PLCXD3: variants seen among roughly 807,000 people sequenced by gnomAD.
PLCXD3 encodes PI-PLC X domain-containing protein 3.
Under a neutral mutation model 25.5 loss-of-function variants are expected in PLCXD3, and 19 were observed. The observed-to-expected ratio is 0.75, with a 90% CI of 0.52 to 1.09. The LOEUF is 1.09. PLCXD3 is among the 50% of genes least tolerant of loss of function. The pLI is 0.00. For missense variants in PLCXD3, 411 were observed against 388.1 expected (o/e 1.06, Z -0.50); for synonymous variants, 174 against 137.6 (o/e 1.26, Z -1.85).
chr5:41,465,591 A>G (rs574876244), intron 1 of PLCXD3, among the ~76,000 whole-genome samples: 2 of 151,724 alleles, frequency 1.3e-5, no homozygotes, highest in East Asian at 3.9e-4. Flanking sequence ...TCAGTCTAAT[A>G]ATGAACCAAG....
Position 41,381,880 on chromosome 5 carries a change from G to A in PLCXD3, c.758C>T (p.Ala253Val). The A allele has an allele frequency of 1.9e-6, 3 of 1,613,082 alleles. No homozygotes were observed. The highest frequency in any genetic ancestry group is 2.5e-6 in the Non-Finnish European group (3 of 1,179,638). Reference sequence around the variant, plus strand: ...TGCCACCCCTTTGACCACAGTGCTAGCTTTGGGGGTCAGCACCACCTGAGA... The same window carrying A: ...TGCCACCCCTTTGACCACAGTGCTAACTTTGGGGGTCAGCACCACCTGAGA... ...FISQVVLTPK[A>V]STVVKGVASG... is the part of the protein sequence containing the mutation. Residue 253 changes from alanine (A) to valine (V), a missense_variant, in exon 2 of 3, where the codon GCT becomes GTT. Physicochemically the swap from Ala to Val is moderately conservative, Grantham distance 64 (BLOSUM62 0). Coordinates refer to ENST00000377801, the MANE Select transcript of PLCXD3 (RefSeq NM_001005473.3).
intron 1 of PLCXD3, among the ~76,000 whole-genome samples, chr5:41,429,276 A>T (rs1232828923): frequency 2.0e-5 from 3 of 152,084 alleles, no homozygotes; most frequent in Non-Finnish European, 4.4e-5. Flanking sequence ...TAAAGTCAGA[A>T]ATGGATGAGA....
intron 1 of PLCXD3, among the ~76,000 whole-genome samples, chr5:41,423,503 T>G (rs752637987): frequency 6.6e-6 from 1 of 152,144 alleles, no homozygotes; most frequent in Non-Finnish European, 1.5e-5. Flanking sequence ...TATATTCTCC[T>G]TTTTTCATCA....
At chr5:41,398,516 A>G (rs1746078528) in intron 1 of PLCXD3, among the ~76,000 whole-genome samples, 1 of 152,190 alleles carries the variant, frequency 6.6e-6, no homozygotes, top group East Asian at 1.9e-4. Context: ...GCAATGTGAG[A>G]AAAGACTAAC....
At position 41,382,553 on chromosome 5, in the gene PLCXD3, A is replaced by G. The variant is rs1427075732; in HGVS notation, c.104-19T>C. ...TGAGACCCTAGGAGAATAACAAGGCATAGTGTGGTTAATTTCCACGTCTTT... is the reference window on the plus strand; with the variant it reads ...TGAGACCCTAGGAGAATAACAAGGCGTAGTGTGGTTAATTTCCACGTCTTT... On this transcript the variant is annotated intron_variant, in intron 1 of 2. Transcript: ENST00000377801. The G allele has an allele frequency of 1.3e-6, 2 of 1,543,584 alleles. No individual in the cohort carries two copies. Among genetic ancestry groups the G allele is most frequent in the Admixed American group, 1.9e-5 (1 of 52,840 alleles).
intron 1 of PLCXD3, among the ~76,000 whole-genome samples, chr5:41,431,433 G>A (rs1747099396): frequency 6.6e-6 from 1 of 152,126 alleles, no homozygotes; most frequent in Admixed American, 6.5e-5. Context: ...TGACTTTTGT[G>A]TTAGGTTACA....
intron 1 of PLCXD3, among the ~76,000 whole-genome samples, chr5:41,423,633 C>T (rs1746880077): frequency 6.6e-6 from 1 of 151,672 alleles, no homozygotes; most frequent in African/African-American, 2.4e-5. Context: ...TTTTTCTTTT[C>T]TAATATATAC....
rs560222170 is a variant in PLCXD3, at chr5:41,481,240, G to T, written c.103+29184C>A. ...CTCCATTTGTATATCTGTAAAATGGGAATGATATTGACTATACAGAGTTGT... is the reference window on the plus strand; with the variant it reads ...CTCCATTTGTATATCTGTAAAATGGTAATGATATTGACTATACAGAGTTGT... On this transcript the variant is annotated intron_variant, in intron 1 of 2. Transcript: ENST00000377801. 9.2e-5 allele frequency among the ~76,000 whole-genome samples: 14 copies of T among 152,116 alleles called. 1 individual carries two copies. Among genetic ancestry groups the T allele is most frequent in the Admixed American group, 1.3e-4 (2 of 15,272 alleles).
At chr5:41,458,938 C>T (rs1200739505) in intron 1 of PLCXD3, among the ~76,000 whole-genome samples, 1 of 151,886 alleles carries the variant, frequency 6.6e-6, no homozygotes, top group African/African-American at 2.4e-5. Context: ...TTAAGAGATA[C>T]ATTTATTTTT....
chr5:41,450,175 G>T (rs1178116941), intron 1 of PLCXD3, among the ~76,000 whole-genome samples: 1 of 152,118 alleles, frequency 6.6e-6, no homozygotes, highest in East Asian at 1.9e-4. Flanking sequence ...CCTGGTGAAA[G>T]TAAGAAGGAA....
chr5:41,428,976 G>A (rs750910269), intron 1 of PLCXD3, among the ~76,000 whole-genome samples: 2 of 151,996 alleles, frequency 1.3e-5, no homozygotes, highest in Non-Finnish European at 2.9e-5. Context: ...GTCAGACTAC[G>A]GACTGACTTG....
chr5:41,343,330 A>G (rs1744211581), intron 2 of PLCXD3, among the ~76,000 whole-genome samples: 1 of 152,092 alleles, frequency 6.6e-6, no homozygotes, highest in African/African-American at 2.4e-5. Context: ...TTTTATGTTT[A>G]CTTGAAAACT....
chr5:41,475,596 G>C (rs757681788), intron 1 of PLCXD3: 1 of 534,094 alleles, frequency 1.9e-6, no homozygotes, highest in Non-Finnish European at 3.8e-6. Context: ...GCCTCTTCAG[G>C]TCCCTTCAGG....
At chr5:41,413,103 T>C (rs138125832) in intron 1 of PLCXD3, among the ~76,000 whole-genome samples, 1 of 152,250 alleles carries the variant, frequency 6.6e-6, no homozygotes, top group Non-Finnish European at 1.5e-5. Flanking sequence ...ACTAGAATTA[T>C]ATGTTTAACT....
At chr5:41,389,940 C>T (rs1745758256) in intron 1 of PLCXD3, among the ~76,000 whole-genome samples, 1 of 151,990 alleles carries the variant, frequency 6.6e-6, no homozygotes, top group Non-Finnish European at 1.5e-5. Context: ...CAATTGCCAC[C>T]ACAATCAAGA....
At chr5:41,414,763 G>A (rs1305185373) in intron 1 of PLCXD3, among the ~76,000 whole-genome samples, 2 of 152,144 alleles carry the variant, frequency 1.3e-5, no homozygotes, top group African/African-American at 4.8e-5. Flanking sequence ...GAAATCTCCT[G>A]CTGTCCTGCC....
At chr5:41,451,582 A>G (rs147584419) in intron 1 of PLCXD3, among the ~76,000 whole-genome samples, 15 of 152,100 alleles carry the variant, frequency 9.9e-5, no homozygotes, top group African/African-American at 3.1e-4. Context: ...ATTTAAAAGC[A>G]GCCCCAAAGA....
At position 41,464,151 on chromosome 5, in the gene PLCXD3, C is replaced by T. The variant is rs149641344; in HGVS notation, c.103+46273G>A. ...ATTTAGTGTGATGGAATCCCTCAGTCTGCCCTGACTGTTCATTTACTAGTC... is the reference window on the plus strand; with the variant it reads ...ATTTAGTGTGATGGAATCCCTCAGTTTGCCCTGACTGTTCATTTACTAGTC... On this transcript the variant is annotated intron_variant, in intron 1 of 2. Transcript: ENST00000377801. Among the ~76,000 whole-genome samples, 1,186 of 152,138 alleles carry T rather than the reference C, an allele frequency of 7.8e-3. 59 individuals are homozygous for T. Among genetic ancestry groups the T allele is most frequent in the Admixed American group, 0.07 (1,067 of 15,258 alleles).
rs959759473 is a variant in PLCXD3 at position 41,309,504 on chromosome 5, G to C, written c.*4113C>G. The C allele has an allele frequency of 6.6e-6, 1 of 152,374 alleles. No individual in the cohort carries two copies. Among genetic ancestry groups the C allele is most frequent in the Non-Finnish European group, 1.5e-5 (1 of 67,998 alleles). 9.4% of individuals were successfully genotyped at this position (152,374 alleles called of 1,614,324 possible). ...AATTCAAAGTGAGCACTCTGCCTAC[G>C]GAACTCCTGTTTGGTTGAGTGACCA... On this transcript the variant is annotated 3_prime_UTR_variant, in exon 3 of 3. Coordinates refer to ENST00000377801, the MANE Select transcript of PLCXD3 (RefSeq NM_001005473.3).
Sources: allele counts gnomAD v4.1 joint callset (sites outside exome capture counted in the v4.1 genomes callset), GRCh38; gene constraint gnomAD v4.1.1; transcripts MANE v1.5; gene names NCBI Gene and HGNC (gene_info 2026-07-23, HGNC 2026-07-21).